ATXN2: variants seen among roughly 807,000 people sequenced by gnomAD.
ATXN2 encodes the protein ataxin-2.
In ATXN2, 37 loss-of-function variants were observed where a neutral mutation model predicts 138.6. The observed-to-expected ratio is 0.27, with a 90% CI of 0.21 to 0.35. ATXN2 has a LOEUF of 0.35. Ranked by LOEUF, ATXN2 falls within the 10% of genes least tolerant of loss-of-function variation. The pLI, the probability that ATXN2 is intolerant of heterozygous loss-of-function variation, is 1.00. For missense variants in ATXN2, 1,216 were observed against 1,480.3 expected, an observed-to-expected ratio of 0.82 and a Z score of 2.93; for synonymous variants, 549 against 543.7, an observed-to-expected ratio of 1.01 and a Z score of -0.13.
At chr12:111,586,574 G>C (rs775362716) in intron 1 of ATXN2, among the ~76,000 whole-genome samples, 1 of 151,856 alleles carries the variant, frequency 6.6e-6, no homozygotes, top group Non-Finnish European at 1.5e-5. Context: ...TTTTAGTAGA[G>C]ATGGGGTTTC....
intron 14 of ATXN2, among the ~76,000 whole-genome samples, chr12:111,497,572 G>A (rs768616339): frequency 6.6e-6 from 1 of 151,630 alleles, no homozygotes; most frequent in East Asian, 1.9e-4. Flanking sequence ...TTCGACATAC[G>A]CAAATCAATA....
chr12:111,598,928 A>C lies in ATXN2; in HGVS notation c.107T>G (p.Val36Gly), dbSNP rs1398353168. The C allele has an allele frequency of 6.6e-7, 1 of 1,511,152 alleles. No homozygotes were observed. The highest frequency in any genetic ancestry group is 8.8e-7 in the Non-Finnish European group (1 of 1,135,152). The allele number at this position is 1,511,152 out of a possible 1,614,324, so 93.6% of individuals were successfully genotyped here. Residue 36 changes from valine to glycine, a missense_variant, in exon 1 of 25, where the codon GTC becomes GGC. By Grantham distance (109) the Val-to-Gly change is moderately radical (BLOSUM62 -3). Around this residue, in one of 4 missense-constraint regions of ATXN2, gnomAD observed 110 missense variants for 88.7 expected, o/e 1.24. Coordinates refer to ENST00000673436, the MANE Select transcript of ATXN2 (RefSeq NM_001372574.1). The surrounding 1 kb of genome is among the most constrained non-coding windows in gnomAD (Gnocchi z 4.5). ...AAGGCCGCTGCCGCCGGGCTTGCGG[A>C]CATTGGCAGCCGCGGGCGGCGGCTG... ...QQQPPPAAAN[V>G]RKPGGSGLLA...
At chr12:111,495,744 A>G (rs1878380866) in intron 14 of ATXN2, among the ~76,000 whole-genome samples, 1 of 152,198 alleles carries the variant, frequency 6.6e-6, no homozygotes, top group Non-Finnish European at 1.5e-5. Flanking sequence ...AATAGGCCCA[A>G]TACATATTTA....
chr12:111,511,617 C>T (rs1318884976), intron 11 of ATXN2: 2 of 152,038 alleles, frequency 1.3e-5, no homozygotes, highest in African/African-American at 4.8e-5. Context: ...AAGAACGCGC[C>T]ACAATGCCCA....
chr12:111,506,812 C>G (rs1276365969), intron 14 of ATXN2, among the ~76,000 whole-genome samples: 4 of 152,076 alleles, frequency 2.6e-5, no homozygotes, highest in Non-Finnish European at 5.9e-5. Context: ...TGCAGGCCCG[C>G]GCCGCCACGC....
chr12:111,497,848 C>T (rs184722901), intron 14 of ATXN2, among the ~76,000 whole-genome samples: 5 of 152,128 alleles, frequency 3.3e-5, no homozygotes, highest in Admixed American at 3.3e-4. Context: ...AACCCCGTCT[C>T]TACTAAAAAT....
chr12:111,598,917 C>T lies in ATXN2; in HGVS notation c.118G>A (p.Gly40Ser). 2.0e-6 allele frequency: 3 copies of T among 1,508,872 alleles called. No individual in the cohort carries two copies. Among genetic ancestry groups the T allele is most frequent in the Non-Finnish European group, 1.8e-6 (2 of 1,134,292 alleles). 93.5% of individuals were successfully genotyped at this position (1,508,872 alleles called of 1,614,324 possible). The change falls in exon 1 of 25, where the codon GGC (glycine) becomes AGC (serine). Residue 40 changes from glycine (G) to serine (S), a missense_variant. Gly to Ser is a moderately conservative substitution (Grantham distance 56). Around this residue, in one of 4 missense-constraint regions of ATXN2, gnomAD observed 110 missense variants for 88.7 expected, o/e 1.24. Coordinates refer to ENST00000673436, the MANE Select transcript of ATXN2 (RefSeq NM_001372574.1). This position sits in a 1 kb window ranked among gnomAD's most constrained non-coding sequence, Gnocchi z 4.5. Reference protein sequence around the residue: ...PPAAANVRKPGGSGLLASPAA... With the variant: ...PPAAANVRKPSGSGLLASPAA... ...GGCGACGCTAGAAGGCCGCTGCCGC[C>T]GGGCTTGCGGACATTGGCAGCCGCG...
chr12:111,491,815 C>G (rs1046755475), intron 14 of ATXN2, among the ~76,000 whole-genome samples: 1 of 152,136 alleles, frequency 6.6e-6, no homozygotes, highest in Non-Finnish European at 1.5e-5. Context: ...ATGGGGAGAC[C>G]CACCTGCTTG....
At chr12:111,524,775 G>A (rs1166776166) in intron 6 of ATXN2, among the ~76,000 whole-genome samples, 1 of 152,106 alleles carries the variant, frequency 6.6e-6, no homozygotes, top group East Asian at 1.9e-4. Flanking sequence ...CTTTTCTTCA[G>A]ACAAGAGGCT....
intron 14 of ATXN2, among the ~76,000 whole-genome samples, chr12:111,489,939 A>T (rs1877907992): frequency 6.6e-6 from 1 of 152,078 alleles, no homozygotes. Flanking sequence ...GCAGTGGCTA[A>T]CACCTATCAT....
chr12:111,461,681 CA>C (rs1263180425), intron 21 of ATXN2, among the ~76,000 whole-genome samples: 1 of 151,298 alleles, frequency 6.6e-6, no homozygotes, highest in Non-Finnish European at 1.5e-5. Flanking sequence ...AAAAAGGAAC[CA>C]GGGGCCGAGG....
In ATXN2 at chr12:111,552,565, C is replaced by T. The variant is rs146806034; in HGVS notation, c.421-135G>A. Reference sequence around the variant, plus strand: ...TCTCAAGAGAATCATACCCTTTTTCCCAGGCATATGATCTATTATCCATTC... The same window carrying T: ...TCTCAAGAGAATCATACCCTTTTTCTCAGGCATATGATCTATTATCCATTC... On this transcript the variant is annotated intron_variant, in intron 4 of 24. Transcript: ENST00000673436. This position sits in a 1 kb window ranked among gnomAD's most constrained non-coding sequence, Gnocchi z 4.1. 1.1e-6 allele frequency: 1 copy of T among 875,530 alleles called. No homozygotes were observed. The highest frequency in any genetic ancestry group is 1.8e-5 in the African/African-American group (1 of 57,006). 54.2% of individuals were successfully genotyped at this position (875,530 alleles called of 1,614,324 possible). A position where few individuals can be genotyped will look rare whatever the true frequency, so the allele number is the denominator to read the frequency against.
chr12:111,526,399 A>C (rs909474234), intron 5 of ATXN2, among the ~76,000 whole-genome samples: 7 of 139,400 alleles, frequency 5.0e-5, no homozygotes, highest in South Asian at 4.5e-4. Context: ...CATCAAAAAT[A>C]TCTCTTTTTT....
chr12:111,595,440 G>A (rs560783702), intron 1 of ATXN2, among the ~76,000 whole-genome samples: 4 of 151,410 alleles, frequency 2.6e-5, no homozygotes, highest in East Asian at 2.0e-4. Context: ...TCGGTAGTAC[G>A]AGACCAAACT....
intron 5 of ATXN2, among the ~76,000 whole-genome samples, chr12:111,541,319 T>C (rs1156950499): frequency 2.0e-5 from 3 of 148,024 alleles, no homozygotes; most frequent in African/African-American, 4.9e-5. Flanking sequence ...GGATGCTCCA[T>C]ACGTAGCCAC....
intron 1 of ATXN2, among the ~76,000 whole-genome samples, chr12:111,585,102 T>C (rs1270534491): frequency 5.3e-5 from 8 of 152,176 alleles, no homozygotes; most frequent in Non-Finnish European, 7.4e-5. Context: ...TTGGGAGATA[T>C]AAAAAATCAT....
At chr12:111,487,685 C>T (rs922082782) in intron 15 of ATXN2, among the ~76,000 whole-genome samples, 9 of 152,034 alleles carry the variant, frequency 5.9e-5, no homozygotes, top group Non-Finnish European at 1.2e-4. Flanking sequence ...TCTTCAACTC[C>T]TAACCTCAAG....
chr12:111,543,046 A>C (rs1424298756), intron 5 of ATXN2, among the ~76,000 whole-genome samples: 1 of 152,180 alleles, frequency 6.6e-6, no homozygotes, highest in Non-Finnish European at 1.5e-5. Flanking sequence ...TGTACCACGA[A>C]CTATTCTGTT....
chr12:111,574,373 A>ACTAAATT (rs1437405280), intron 1 of ATXN2, among the ~76,000 whole-genome samples: 1 of 151,630 alleles, frequency 6.6e-6, no homozygotes. Flanking sequence ...ACTATGAACA[A>ACTAAATT]CTAAATTCCC....
Sources: gnomAD v4.1 joint callset for allele counts (sites outside exome capture counted in the v4.1 genomes callset) on GRCh38, gnomAD v4.1.1 for gene constraint, gnomAD v4.1.1 regional missense constraint, Gnocchi (gnomAD v3.1) non-coding constraint, MANE v1.5 for transcripts, NCBI Gene and HGNC (gene_info 2026-07-23, HGNC 2026-07-21) for gene names.